Variants in TBCCD1 observed in about 807,000 individuals in gnomAD.
TBCCD1 encodes TBCC domain containing 1, also known as TBCC domain-containing protein 1.
TBCCD1 carries 26 observed loss-of-function variants against 53.4 expected under a neutral mutation model. That is an observed-to-expected ratio of 0.49 (90% CI 0.36 to 0.68). The LOEUF (loss-of-function observed/expected upper bound fraction) is 0.68. Ranked by LOEUF, TBCCD1 falls within the 30% of genes least tolerant of loss-of-function variation. The pLI is 0.00. For missense variants in TBCCD1, 558 were observed against 669.5 expected, an observed-to-expected ratio of 0.83 and a Z score of 1.84; for synonymous variants, 245 against 241.7, an observed-to-expected ratio of 1.01 and a Z score of -0.13.
Position 186,556,754 on chromosome 3 carries a change from G to A in TBCCD1, c.514C>T (p.Gln172Ter). The A allele has an allele frequency of 1.9e-6, 3 of 1,613,740 alleles. No homozygotes were observed. Among genetic ancestry groups the A allele is most frequent in the Non-Finnish European group, 2.5e-6 (3 of 1,179,910 alleles). The change falls in exon 4 of 8, where the codon CAA becomes TAA. Residue 172 changes from glutamine to a stop codon, truncating the protein, a stop_gained. Transcript: ENST00000338733. LOFTEE classifies it high-confidence loss of function. ...GACAGATGATCATAGACAAAAGCTT[G>A]GTGACTGTAATCATTCCAGTTCTAA... ...HNKNWNDYSH[Q>*]AFVYDHLSDL...
upstream of TBCCD1, among the ~76,000 whole-genome samples, chr3:186,569,546 T>G (rs1714948226): frequency 6.6e-6 from 1 of 151,864 alleles, no homozygotes; most frequent in African/African-American, 2.4e-5. Flanking sequence ...CTCAAGCTCC[T>G]GACCTCAGGT....
chr3:186,563,817 A>G (rs1714748765), intron 2 of TBCCD1, among the ~76,000 whole-genome samples, 177 bp downstream of exon 2: 2 of 152,178 alleles, frequency 1.3e-5, no homozygotes, highest in African/African-American at 2.4e-5. Context: ...TAATCCTAAC[A>G]TTTTGGGAGG....
chr3:186,551,082 GAAA>G (rs1714358973), intron 7 of TBCCD1, 44 bp downstream of exon 7: 3 of 1,560,506 alleles, frequency 1.9e-6, no homozygotes, highest in East Asian at 4.5e-5. Flanking sequence ...TTTTATGCTT[GAAA>G]GATTTCCCCA....
intron 7 of TBCCD1, among the ~76,000 whole-genome samples, chr3:186,548,363 G>A (rs1378025574): frequency 6.6e-6 from 1 of 152,230 alleles, no homozygotes; most frequent in African/African-American, 2.4e-5. Context: ...AGGAAATGTA[G>A]GGGTTGGAGG....
chr3:186,568,037 G>A (rs976755624), upstream of TBCCD1, among the ~76,000 whole-genome samples: 5 of 152,166 alleles, frequency 3.3e-5, no homozygotes, highest in African/African-American at 1.2e-4. Context: ...AGGTGTGATA[G>A]ATACAAAGGT....
At chr3:186,560,830 A>G (rs1372314124) in intron 2 of TBCCD1, among the ~76,000 whole-genome samples, 4 of 152,228 alleles carry the variant, frequency 2.6e-5, no homozygotes, top group Non-Finnish European at 5.9e-5. Flanking sequence ...ACTCACACAT[A>G]TATGGTCAAC....
At chr3:186,565,662 T>G (rs1195998025) in intron 1 of TBCCD1, among the ~76,000 whole-genome samples, 1 of 152,200 alleles carries the variant, frequency 6.6e-6, no homozygotes, top group Non-Finnish European at 1.5e-5. Context: ...CTGATTCTAT[T>G]TTTGTGTATG....
rs556003748 is a variant in TBCCD1, at chr3:186,564,174, G to C, written c.156C>G (p.Leu52=). Residue 52 remains leucine (L), a synonymous_variant, in exon 2 of 8, where the codon CTC becomes CTG. Transcript: ENST00000338733. The stretch of plus-strand genomic sequence containing the variant: ...CGATGTGCCTCCATGTAGACCAGTA[G>C]AGGCGCGGGTAAGCTCCTTCTGTGG... ...IRATEGAYPR[L]YWSTWRHIAC... is the part of the protein sequence containing the mutation. The C allele has an allele frequency of 9.9e-6, 16 of 1,614,096 alleles. No individual in the cohort carries two copies. The highest frequency in any genetic ancestry group is 1.4e-5 in the Non-Finnish European group (16 of 1,180,052).
chr3:186,555,554 T>C (rs1486254543), intron 4 of TBCCD1, among the ~76,000 whole-genome samples: 1 of 152,176 alleles, frequency 6.6e-6, no homozygotes, highest in African/African-American at 2.4e-5. Context: ...TTTGAGTTCA[T>C]GCCTTTTTTT....
chr3:186,559,046 A>G (rs1004877372), intron 2 of TBCCD1, among the ~76,000 whole-genome samples: 4 of 152,194 alleles, frequency 2.6e-5, no homozygotes, highest in African/African-American at 9.6e-5. Flanking sequence ...TGCCTGGCCA[A>G]GAGTTCCTAA....
At chr3:186,556,921 C>T (rs1714560534) in intron 3 of TBCCD1, 146 bp from the exon 4 acceptor site, 1 of 984,386 alleles carries the variant, frequency 1.0e-6, no homozygotes, top group African/African-American at 1.7e-5. Flanking sequence ...AGGTGATCCG[C>T]CCGGCTTGGC....
chr3:186,564,115 G>A lies in TBCCD1; in HGVS notation c.215C>T (p.Ala72Val), dbSNP rs763772691. The A allele has an allele frequency of 2.7e-5, 43 of 1,614,134 alleles. No individual in the cohort carries two copies. Among genetic ancestry groups the A allele is most frequent in the Middle Eastern group, 1.6e-4 (1 of 6,062 alleles). The change falls in exon 2 of 8, where the codon GCG becomes GTG. Residue 72 changes from alanine (A) to valine (V), a missense_variant. Physicochemically the swap from Ala to Val is moderately conservative, Grantham distance 64. Coordinates refer to ENST00000338733, the MANE Select transcript of TBCCD1 (RefSeq NM_018138.5). ...ATCAAATATTTCGAAGTAAAGCCACGCCAGGTCCTTGGCCAACTGCAGCTT... is the reference window on the plus strand; with the variant it reads ...ATCAAATATTTCGAAGTAAAGCCACACCAGGTCCTTGGCCAACTGCAGCTT... ...CGKLQLAKDL[A>V]WLYFEIFDSL...
At chr3:186,567,871 T>TGTCA (rs558716435), upstream of TBCCD1, among the ~76,000 whole-genome samples, 198 of 152,312 alleles carry the variant, frequency 1.3e-3, no homozygotes, top group South Asian at 2.9e-3. Context: ...CGCCCCTCGG[T>TGTCA]GTCAGCTCCT....
Position 186,554,966 on chromosome 3 carries a change from A to G in TBCCD1, c.978T>C (p.Thr326=). ...YKQTLAKSSD[T]LAGAHVKIHR... Reference sequence around the variant, plus strand: ...GAATCTTTACATGTGCCCCCGCCAGAGTGTCTGAGCTCTTAGCCAGTGTCT... The same window carrying G: ...GAATCTTTACATGTGCCCCCGCCAGGGTGTCTGAGCTCTTAGCCAGTGTCT... The change falls in exon 5 of 8, where the codon ACT becomes ACC. Residue 326 remains threonine, a synonymous_variant. Coordinates refer to ENST00000338733, the MANE Select transcript of TBCCD1 (RefSeq NM_018138.5). 1 of 1,613,954 alleles carries G rather than the reference A, an allele frequency of 6.2e-7. No homozygotes were observed. The highest frequency in any genetic ancestry group is 8.5e-7 in the Non-Finnish European group (1 of 1,180,030).
In TBCCD1 at chr3:186,555,058, T is replaced by C; in HGVS notation, c.886A>G (p.Ile296Val). 2 of 1,606,376 alleles carry C rather than the reference T, an allele frequency of 1.2e-6. No homozygotes were observed. The highest frequency in any genetic ancestry group is 8.5e-7 in the Non-Finnish European group (1 of 1,177,054). The change falls in exon 5 of 8, where the codon ATT (isoleucine) becomes GTT (valine). Residue 296 changes from isoleucine (I) to valine (V), a missense_variant. Coordinates refer to ENST00000338733, the MANE Select transcript of TBCCD1 (RefSeq NM_018138.5). ...QVEGTTKRAK[I>V]ACNTHVAPRM... ...GGGGCCACATGAGTATTACAAGCAA[T>C]CTTAGCTCTTTTGGTGGTCCCTTCA...
chr3:186,550,858 C>A (rs1479404762), intron 7 of TBCCD1, among the ~76,000 whole-genome samples: 5 of 152,114 alleles, frequency 3.3e-5, no homozygotes, highest in African/African-American at 1.2e-4. Flanking sequence ...AATGTGGTAT[C>A]TTTGGACAGT....
chr3:186,565,841 C>A (rs1714812822), intron 1 of TBCCD1, among the ~76,000 whole-genome samples: 2 of 152,134 alleles, frequency 1.3e-5, no homozygotes, highest in Admixed American at 1.3e-4. Context: ...TGAAATATAT[C>A]CTTGTTGCTT....
At chr3:186,566,182 C>T (rs911728775) in intron 1 of TBCCD1, among the ~76,000 whole-genome samples, 1 of 152,118 alleles carries the variant, frequency 6.6e-6, no homozygotes, top group African/African-American at 2.4e-5. Flanking sequence ...GGATTACAGG[C>T]TCCCGCCACC....
intron 1 of TBCCD1, among the ~76,000 whole-genome samples, chr3:186,565,304 T>C (rs1224735606): frequency 1.3e-5 from 2 of 152,022 alleles, no homozygotes; most frequent in African/African-American, 4.8e-5. Context: ...AGAGATGGGG[T>C]TTAACTATGT....
Sources: gnomAD v4.1 joint callset for allele counts (sites outside exome capture counted in the v4.1 genomes callset) on GRCh38, gnomAD v4.1.1 for gene constraint, MANE v1.5 for transcripts, NCBI Gene and HGNC (gene_info 2026-07-23, HGNC 2026-07-21) for gene names.